HECA: variants seen among roughly 807,000 people sequenced by gnomAD.
The protein encoded by HECA is headcase protein homolog.
Under a neutral mutation model 37.6 loss-of-function variants are expected in HECA, and 13 were observed. The observed-to-expected ratio is 0.35, with a 90% CI of 0.23 to 0.55. The LOEUF is 0.55. HECA is among the 20% of genes least tolerant of loss of function. HECA has a pLI of 0.90. For synonymous variants in HECA, 307 were observed against 291.5 expected (o/e 1.05, Z -0.54); for missense variants, 527 against 701.9 (o/e 0.75, Z 2.82).
At chr6:139,154,330 T>C (rs1183728959) in intron 1 of HECA, among the ~76,000 whole-genome samples, 1 of 127,096 alleles carries the variant, frequency 7.9e-6, no homozygotes, top group African/African-American at 3.0e-5. Flanking sequence ...AGAGGGAGTC[T>C]TAGCTACCTG....
chr6:139,154,807 A>G (rs1168132095), intron 1 of HECA, among the ~76,000 whole-genome samples: 2 of 152,256 alleles, frequency 1.3e-5, no homozygotes, highest in Admixed American at 1.3e-4. Context: ...TAGATAAACT[A>G]TGAGTAAAGA....
intron 1 of HECA, among the ~76,000 whole-genome samples, chr6:139,139,108 A>C (rs995903692): frequency 2.0e-5 from 3 of 152,160 alleles, no homozygotes; most frequent in Non-Finnish European, 4.4e-5. Flanking sequence ...ATGGTTCATC[A>C]CTCCACTCAT....
chr6:139,167,340 C>G lies in HECA; in HGVS notation c.1312+16C>G. Reference sequence around the variant, plus strand: ...CACCTTCAAGGTATAGGTGTTAATTCACCTTGCCTGCTTTCTGTTTGTTAA... The same window carrying G: ...CACCTTCAAGGTATAGGTGTTAATTGACCTTGCCTGCTTTCTGTTTGTTAA... On this transcript the variant is annotated intron_variant, in intron 2 of 3. Transcript: ENST00000367658. 6.6e-7 allele frequency: 1 copy of G among 1,521,694 alleles called. No homozygotes were observed. Among genetic ancestry groups the G allele is most frequent in the Non-Finnish European group, 9.0e-7 (1 of 1,114,922 alleles). The allele number at this position is 1,521,694 out of a possible 1,614,324, so 94.3% of individuals were successfully genotyped here.
chr6:139,150,679 CTT>C (rs1400973538), intron 1 of HECA, among the ~76,000 whole-genome samples: 1 of 151,646 alleles, frequency 6.6e-6, no homozygotes, highest in Non-Finnish European at 1.5e-5. Flanking sequence ...TTTGGTAACT[CTT>C]TTCACAAATG....
chr6:139,167,022 T>A lies in HECA; in HGVS notation c.1010T>A (p.Phe337Tyr). The A allele has an allele frequency of 6.2e-7, 1 of 1,614,186 alleles. No homozygotes were observed. Among genetic ancestry groups the A allele is most frequent in the South Asian group, 1.1e-5 (1 of 91,080 alleles). The change falls in exon 2 of 4, where the codon TTC (phenylalanine) becomes TAC (tyrosine). Residue 337 changes from phenylalanine to tyrosine, a missense_variant. Physicochemically the swap from Phe to Tyr is conservative, Grantham distance 22. This residue lies in a region of HECA where 228 missense variants were observed against 259.8 expected (regional missense o/e 0.88). Transcript: ENST00000367658. ...TTGGCAGTTCACAGGGGGGGACACT[T>A]CGACACCCCCGTGCAGTTCCTTCGG... ...AGLAVHRGGH[F>Y]DTPVQFLRRL...
At chr6:139,159,487 C>T (rs1774766630) in intron 1 of HECA, among the ~76,000 whole-genome samples, 1 of 151,972 alleles carries the variant, frequency 6.6e-6, no homozygotes, top group Non-Finnish European at 1.5e-5. Flanking sequence ...ACCTGGGTGC[C>T]ACAAGGAGGG....
At chr6:139,163,398 A>T (rs976442622) in intron 1 of HECA, among the ~76,000 whole-genome samples, 14 of 148,122 alleles carry the variant, frequency 9.5e-5, no homozygotes, top group Non-Finnish European at 1.8e-4. Flanking sequence ...TGTGCCACTC[A>T]GGCTGGTGTG....
At position 139,177,363 on chromosome 6, in the gene HECA, C is replaced by T; in HGVS notation, c.*258C>T. Reference sequence around the variant, plus strand: ...TCACTCTTACCAAGAATCTTTGATGCAGCTTTAAGATGGTGGGGAGGATGG... The same window carrying T: ...TCACTCTTACCAAGAATCTTTGATGTAGCTTTAAGATGGTGGGGAGGATGG... On this transcript the variant is annotated 3_prime_UTR_variant, in exon 4 of 4. Transcript: ENST00000367658. The surrounding 1 kb of genome is among the most constrained non-coding windows in gnomAD (Gnocchi z 4.9). 3.5e-6 allele frequency: 1 copy of T among 287,688 alleles called. No homozygotes were observed. Among genetic ancestry groups the T allele is most frequent in the Non-Finnish European group, 6.5e-6 (1 of 154,706 alleles). The allele number at this position is 287,688 out of a possible 1,614,324, so 17.8% of individuals were successfully genotyped here.
intron 1 of HECA, among the ~76,000 whole-genome samples, chr6:139,160,837 A>G (rs959722179): frequency 2.0e-5 from 3 of 152,262 alleles, no homozygotes; most frequent in Admixed American, 1.3e-4. Context: ...ATGGTAGCAT[A>G]TAAGCAAACA....
Position 139,135,365 on chromosome 6 carries a change from G to T in HECA, c.-32G>T. On this transcript the variant is annotated 5_prime_UTR_variant, in exon 1 of 4. Coordinates refer to ENST00000367658, the MANE Select transcript of HECA (RefSeq NM_016217.3). ...GCCTCTGGGATCCGCCTTCGCTGAC[G>T]CCGGGCACCTACCTGGACGCGAGCG... 1.5e-6 allele frequency: 2 copies of T among 1,318,936 alleles called. No individual in the cohort carries two copies. The highest frequency in any genetic ancestry group is 1.4e-5 in the South Asian group (1 of 70,236). The allele number at this position is 1,318,936 out of a possible 1,614,324, so 81.7% of individuals were successfully genotyped here. A position where few individuals can be genotyped will look rare whatever the true frequency, so the allele number is the denominator to read the frequency against.
chr6:139,153,709 G>A lies in HECA; in HGVS notation c.272-12575G>A, dbSNP rs529097934. 1.4e-3 allele frequency among the ~76,000 whole-genome samples: 206 copies of A among 152,150 alleles called. 2 individuals are homozygous for A. The South Asian group carries it at 0.021, about 15-fold the overall frequency. The stretch of plus-strand genomic sequence containing the variant: ...GCTGGGATTACAGGTGGGAGCCACC[G>A]CACCCGGCCTAAAAAAATAATAGAA... On this transcript the variant is annotated intron_variant, in intron 1 of 3. Transcript: ENST00000367658.
Position 139,135,289 on chromosome 6 carries a change from G to T in HECA, c.-108G>T, listed in dbSNP as rs1046787539. On this transcript the variant is annotated 5_prime_UTR_variant, in exon 1 of 4. Transcript: ENST00000367658. ...GGAGCCGAGGGAACCGCCGGCTCGC[G>T]CCCTCCGTTCTTTCCCGGAGCCGGC... 3.3e-6 allele frequency: 3 copies of T among 922,156 alleles called. No homozygotes were observed. The highest frequency in any genetic ancestry group is 4.1e-6 in the Non-Finnish European group (3 of 739,946). 57.1% of individuals were successfully genotyped at this position (922,156 alleles called of 1,614,324 possible). A position where few individuals can be genotyped will look rare whatever the true frequency, so the allele number is the denominator to read the frequency against.
chr6:139,136,113 G>T (rs1232834945), intron 1 of HECA, among the ~76,000 whole-genome samples: 1 of 150,452 alleles, frequency 6.6e-6, no homozygotes, highest in African/African-American at 2.4e-5. Context: ...AGGAGAGAGA[G>T]CCTCAATTCT....
chr6:139,144,230 C>T (rs140096818), intron 1 of HECA: 2 of 152,334 alleles, frequency 1.3e-5, no homozygotes, highest in African/African-American at 2.4e-5. Flanking sequence ...TATGCACCTA[C>T]TATCTCCTAT....
rs144004432 is a variant in HECA at position 139,148,081 on chromosome 6, A to G, written c.271+12414A>G. On this transcript the variant is annotated intron_variant, in intron 1 of 3. Coordinates refer to ENST00000367658, the MANE Select transcript of HECA (RefSeq NM_016217.3). ...ATATCTTTTTATATTTATATTGATC[A>G]TTTGTATTTTTTTCTTGTTTGTGAT... Among the ~76,000 whole-genome samples the G allele has an allele frequency of 6.6e-3, 1,009 of 152,224 alleles. 3 individuals carry two copies. The highest frequency in any genetic ancestry group is 0.017 in the Middle Eastern group (5 of 294).
intron 2 of HECA, 122 bp downstream of exon 2, chr6:139,167,446 T>C: frequency 1.2e-6 from 1 of 805,854 alleles, no homozygotes; most frequent in Non-Finnish European, 1.9e-6. Context: ...AGTCAGGTGC[T>C]AGGTAACATT....
At chr6:139,164,030 G>C (rs1276472832) in intron 1 of HECA, among the ~76,000 whole-genome samples, 3 of 151,018 alleles carry the variant, frequency 2.0e-5, no homozygotes, top group Non-Finnish European at 4.4e-5. Context: ...CCACATTGCT[G>C]TCCGTCAGCA....
intron 2 of HECA, among the ~76,000 whole-genome samples, chr6:139,173,814 T>A (rs1003396754): frequency 6.6e-6 from 1 of 152,192 alleles, no homozygotes; most frequent in Admixed American, 6.5e-5. Flanking sequence ...TTTTAAAAAA[T>A]TACGAGTAAG....
chr6:139,174,466 G>A lies in HECA; in HGVS notation c.1394G>A (p.Arg465Gln), dbSNP rs376932158. 3.3e-5 allele frequency: 53 copies of A among 1,613,874 alleles called. 1 individual carries two copies. The highest frequency in any genetic ancestry group is 4.4e-5 in the South Asian group (4 of 91,068). ...ATCATCTGCATCAAGTGTAAGTCAC[G>A]GTGGGATGGCAGCTGGCACCAGCTG... ...HKIICIKCKS[R>Q]WDGSWHQLGT... The change falls in exon 3 of 4, where the codon CGG (arginine) becomes CAG (glutamine). Residue 465 changes from arginine (R) to glutamine (Q), a missense_variant. Physicochemically the swap from Arg to Gln is conservative, Grantham distance 43. Coordinates refer to ENST00000367658, the MANE Select transcript of HECA (RefSeq NM_016217.3).
Sources: gnomAD v4.1 joint callset for allele counts (sites outside exome capture counted in the v4.1 genomes callset) on GRCh38, gnomAD v4.1.1 for gene constraint, gnomAD v4.1.1 regional missense constraint, Gnocchi (gnomAD v3.1) non-coding constraint, MANE v1.5 for transcripts, NCBI Gene and HGNC (gene_info 2026-07-23, HGNC 2026-07-21) for gene names.